The following VKORC1L1 variants were observed in gnomAD, a reference collection of about 807,000 sequenced individuals.
VKORC1L1 encodes the protein vitamin K epoxide reductase complex subunit 1-like protein 1.
VKORC1L1 carries 2 observed loss-of-function variants against 18.9 expected under a neutral mutation model. The ratio of observed to expected loss-of-function variants is 0.11; its 90% CI spans 0.04 to 0.33. The LOEUF (loss-of-function observed/expected upper bound fraction) is 0.33. Among genes scored for constraint, VKORC1L1 ranks in the 10% least tolerant of loss-of-function variants. The pLI, the probability that VKORC1L1 is intolerant of heterozygous loss-of-function variation, is 1.00. For missense variants in VKORC1L1, 123 were observed against 224.1 expected, an observed-to-expected ratio of 0.55 and a Z score of 2.88; for synonymous variants, 96 against 100.0, an observed-to-expected ratio of 0.96 and a Z score of 0.24.
intron 1 of VKORC1L1, among the ~76,000 whole-genome samples, chr7:65,895,505 A>G (rs1789190673): frequency 8.5e-6 from 1 of 117,638 alleles, no homozygotes; most frequent in African/African-American, 3.0e-5. Flanking sequence ...ATATATATAT[A>G]TATATATATA....
At chr7:65,898,077 GTTTTTTTTTTTTTT>G (rs71051319) in intron 1 of VKORC1L1, among the ~76,000 whole-genome samples, 5 of 82,970 alleles carry the variant, frequency 6.0e-5, no homozygotes, top group Admixed American at 1.3e-4. Flanking sequence ...TTTGTAGCAG[GTTTTTTTTTTTTTT>G]TTTTTTTTTT....
intron 1 of VKORC1L1, among the ~76,000 whole-genome samples, chr7:65,910,725 C>T (rs910505263): frequency 2.0e-5 from 3 of 151,924 alleles, no homozygotes; most frequent in African/African-American, 7.3e-5. Flanking sequence ...CCAAAGGTAG[C>T]AAGCTGTGCT....
chr7:65,873,275 A>AGGC lies in VKORC1L1; in HGVS notation c.-91_-89dup, dbSNP rs1487116754. ...GCGGCGGTGGTGGCGGCGGCGGCGG[A>AGGC]GGCGGCGGTGGCGGCGGTGGCGGCT... On this transcript the variant is annotated 5_prime_UTR_variant, in exon 1 of 3. Coordinates refer to ENST00000360768, the MANE Select transcript of VKORC1L1 (RefSeq NM_173517.6). 10 of 949,170 alleles carry AGGC rather than the reference A, an allele frequency of 1.1e-5. No individual in the cohort carries two copies. The highest frequency in any genetic ancestry group is 1.1e-5 in the Non-Finnish European group (9 of 807,808). 58.8% of individuals were successfully genotyped at this position (949,170 alleles called of 1,614,324 possible).
intron 1 of VKORC1L1, among the ~76,000 whole-genome samples, chr7:65,916,107 T>C (rs1789584904): frequency 7.2e-6 from 1 of 139,512 alleles, no homozygotes; most frequent in African/African-American, 2.6e-5. Context: ...CGTGACTCTG[T>C]CTAAAATTAA....
intron 1 of VKORC1L1, among the ~76,000 whole-genome samples, chr7:65,930,609 GC>G (rs1789842189): frequency 6.6e-6 from 1 of 152,106 alleles, no homozygotes; most frequent in African/African-American, 2.4e-5. Context: ...TATGGTTTAG[GC>G]ATCGTCCATT....
At chr7:65,868,744 C>T (rs1788691105), upstream of VKORC1L1, among the ~76,000 whole-genome samples, 1 of 152,174 alleles carries the variant, frequency 6.6e-6, no homozygotes, top group South Asian at 2.1e-4. Context: ...TGAATGTTCT[C>T]ATACATGGGA....
chr7:65,918,658 G>C (rs978434796), intron 1 of VKORC1L1, among the ~76,000 whole-genome samples: 2 of 152,216 alleles, frequency 1.3e-5, no homozygotes, highest in African/African-American at 4.8e-5. Flanking sequence ...AACCTATGGT[G>C]TCAGTTAAGG....
At chr7:65,880,263 G>T (rs1788906370) in intron 1 of VKORC1L1, among the ~76,000 whole-genome samples, 1 of 152,134 alleles carries the variant, frequency 6.6e-6, no homozygotes, top group Admixed American at 6.6e-5. Flanking sequence ...GTATCTATGT[G>T]ACAAAAATAT....
intron 1 of VKORC1L1, among the ~76,000 whole-genome samples, chr7:65,918,118 T>C (rs535405037): frequency 2.0e-5 from 3 of 152,350 alleles, no homozygotes; most frequent in Admixed American, 2.0e-4. Context: ...TGCCAATCAG[T>C]TCCCTACCCC....
intron 2 of VKORC1L1, among the ~76,000 whole-genome samples, chr7:65,950,803 G>A (rs573528390): frequency 1.3e-4 from 20 of 152,340 alleles, no homozygotes; most frequent in African/African-American, 4.6e-4. Context: ...TAGGATAAAC[G>A]TGTTTGTATA....
At chr7:65,929,682 G>GTATATATATATATATATA (rs34648135) in intron 1 of VKORC1L1, among the ~76,000 whole-genome samples, 54 of 128,614 alleles carry the variant, frequency 4.2e-4, no homozygotes, top group African/African-American at 1.3e-3. Context: ...GTGTGTGTGT[G>GTATATATATATATATATA]TATATATATA....
intron 1 of VKORC1L1, among the ~76,000 whole-genome samples, chr7:65,926,934 G>C (rs1324328082): frequency 6.6e-6 from 1 of 151,932 alleles, no homozygotes; most frequent in Non-Finnish European, 1.5e-5. Flanking sequence ...ATATATACTA[G>C]ATATACTAGA....
At chr7:65,922,003 A>C (rs1789684143) in intron 1 of VKORC1L1, among the ~76,000 whole-genome samples, 1 of 152,182 alleles carries the variant, frequency 6.6e-6, no homozygotes, top group South Asian at 2.1e-4. Flanking sequence ...ATTACCCTGC[A>C]GGTTATACCA....
chr7:65,922,412 C>T (rs914542224), intron 1 of VKORC1L1, among the ~76,000 whole-genome samples: 1 of 152,054 alleles, frequency 6.6e-6, no homozygotes, highest in Admixed American at 6.6e-5. Context: ...TCCCGAGTAG[C>T]TGGGATTACA....
chr7:65,937,235 C>T (rs1372328400), intron 1 of VKORC1L1, among the ~76,000 whole-genome samples: 15 of 10,910 alleles, frequency 1.4e-3, no homozygotes, highest in Admixed American at 0.013. Flanking sequence ...CTTGATCTTC[C>T]AGTTTTTACT....
chr7:65,900,291 G>GA (rs973000617), intron 1 of VKORC1L1, among the ~76,000 whole-genome samples: 232 of 151,214 alleles, frequency 1.5e-3, no homozygotes, highest in African/African-American at 5.3e-3. Context: ...TCGGGAGGCT[G>GA]AGGCAGGAGA....
chr7:65,909,668 C>T (rs912008528), intron 1 of VKORC1L1, among the ~76,000 whole-genome samples: 1 of 144,820 alleles, frequency 6.9e-6, no homozygotes, highest in Non-Finnish European at 1.5e-5. Flanking sequence ...TTCTTTGAAG[C>T]TTCTAACTTT....
intron 1 of VKORC1L1, among the ~76,000 whole-genome samples, chr7:65,878,069 C>T (rs1479716275): frequency 3.3e-5 from 5 of 152,024 alleles, no homozygotes; most frequent in Admixed American, 1.3e-4. Context: ...TACAAAATGT[C>T]GGATTACTAC....
At chr7:65,945,196 G>A (rs1329360118) in intron 1 of VKORC1L1, among the ~76,000 whole-genome samples, 1 of 151,848 alleles carries the variant, frequency 6.6e-6, no homozygotes, top group Non-Finnish European at 1.5e-5. Context: ...AAGTGGTGAA[G>A]GTTGCATTGA....
Sources: gnomAD v4.1 joint callset for allele counts (sites outside exome capture counted in the v4.1 genomes callset) on GRCh38, gnomAD v4.1.1 for gene constraint, MANE v1.5 for transcripts, NCBI Gene and HGNC (gene_info 2026-07-23, HGNC 2026-07-21) for gene names.